Variants in RBM47 observed in about 807,000 individuals in gnomAD.
The protein encoded by RBM47 is RNA binding motif protein 47.
Under a neutral mutation model 47.1 loss-of-function variants are expected in RBM47, and 21 were observed. The observed-to-expected ratio is 0.45, with a 90% CI of 0.32 to 0.64. The LOEUF is 0.64. Ranked by LOEUF, RBM47 falls within the 30% of genes least tolerant of loss-of-function variation. The pLI is 0.05. For missense variants in RBM47, 708 were observed against 870.9 expected (o/e 0.81, Z 2.35); for synonymous variants, 375 against 361.7 (o/e 1.04, Z -0.42).
At chr4:40,617,062 G>T (rs1274520873) in intron 1 of RBM47, among the ~76,000 whole-genome samples, 1 of 151,458 alleles carries the variant, frequency 6.6e-6, no homozygotes, top group African/African-American at 2.4e-5. Flanking sequence ...TTTTAGTAGA[G>T]ACAGGATTTC....
chr4:40,497,489 G>T (rs1371800700), intron 2 of RBM47, among the ~76,000 whole-genome samples: 4 of 151,748 alleles, frequency 2.6e-5, no homozygotes, highest in Non-Finnish European at 5.9e-5. Context: ...GTGGTAGTGT[G>T]TGGTCTGTAG....
chr4:40,518,018 T>A (rs1725788328), intron 2 of RBM47, among the ~76,000 whole-genome samples: 2 of 152,148 alleles, frequency 1.3e-5, no homozygotes, highest in African/African-American at 4.8e-5. Flanking sequence ...AATTTGGGGT[T>A]TTAAGGTAGT....
intron 1 of RBM47, among the ~76,000 whole-genome samples, chr4:40,607,109 C>T (rs1214360278): frequency 6.6e-6 from 1 of 152,124 alleles, no homozygotes; most frequent in East Asian, 1.9e-4. Context: ...AAACATCCAT[C>T]AACTGATGAA....
intron 3 of RBM47, among the ~76,000 whole-genome samples, chr4:40,454,796 A>G (rs973571580): frequency 9.9e-5 from 15 of 152,150 alleles, no homozygotes; most frequent in African/African-American, 3.4e-4. Context: ...GCCTGGCCAT[A>G]CTGCCCCTTT....
intron 2 of RBM47, among the ~76,000 whole-genome samples, chr4:40,497,549 G>T (rs1441131044): frequency 6.6e-6 from 1 of 151,986 alleles, no homozygotes; most frequent in East Asian, 1.9e-4. Context: ...AGTCCAGGAA[G>T]TCAAGGCTGC....
rs368667381 is a variant in RBM47, at chr4:40,423,929, T to C, written c.*1975A>G. 9.2e-5 allele frequency: 14 copies of C among 152,682 alleles called. No individual in the cohort carries two copies. The highest frequency in any genetic ancestry group is 2.6e-4 in the African/African-American group (11 of 41,566). 9.5% of individuals were successfully genotyped at this position (152,682 alleles called of 1,614,324 possible). On this transcript the variant is annotated 3_prime_UTR_variant, in exon 7 of 7. Transcript: ENST00000295971. Reference sequence around the variant, plus strand: ...TCACTCATTCCCACAGATTTGAGTTTGAATGCAGCTTGTGGGGTACATCAT... The same window carrying C: ...TCACTCATTCCCACAGATTTGAGTTCGAATGCAGCTTGTGGGGTACATCAT...
chr4:40,511,432 G>A (rs1200838313), intron 2 of RBM47, among the ~76,000 whole-genome samples: 3 of 152,164 alleles, frequency 2.0e-5, no homozygotes, highest in Non-Finnish European at 4.4e-5. Context: ...TTGTAGAGAC[G>A]TTACTCAATT....
intron 3 of RBM47, among the ~76,000 whole-genome samples, chr4:40,452,840 C>CTTTTT (rs34438216): frequency 3.1e-4 from 39 of 125,062 alleles, no homozygotes; most frequent in South Asian, 1.3e-3. Context: ...TGATTTCCTT[C>CTTTTT]TTTTTTTTTT....
intron 3 of RBM47, among the ~76,000 whole-genome samples, chr4:40,450,654 C>T (rs140143810): frequency 6.6e-6 from 1 of 152,048 alleles, no homozygotes; most frequent in East Asian, 1.9e-4. Flanking sequence ...CATAAAATCC[C>T]AGAATTTGAG....
intron 1 of RBM47, among the ~76,000 whole-genome samples, chr4:40,566,447 C>A (rs537601137): frequency 3.4e-4 from 52 of 152,046 alleles, no homozygotes; most frequent in Admixed American, 1.9e-3. Flanking sequence ...GAGTTTGAGA[C>A]CAGCCTGACC....
chr4:40,542,312 A>G (rs1201206688), intron 2 of RBM47, among the ~76,000 whole-genome samples: 1 of 151,830 alleles, frequency 6.6e-6, no homozygotes, highest in Non-Finnish European at 1.5e-5. Context: ...TTCCCCCCAT[A>G]GCTCATGCTA....
Position 40,478,590 on chromosome 4 carries a change from C to T in RBM47, c.-154-11891G>A, listed in dbSNP as rs1719970180. ...GCATAGTAAGACATGATTATGTGGCCTATTTCAGATAGGATCTATTAAGGC... is the reference window on the plus strand; with the variant it reads ...GCATAGTAAGACATGATTATGTGGCTTATTTCAGATAGGATCTATTAAGGC... On this transcript the variant is annotated intron_variant, in intron 2 of 6. Transcript: ENST00000295971. Among the ~76,000 whole-genome samples the T allele has an allele frequency of 1.3e-5, 2 of 152,136 alleles. 1 individual carries two copies. Among genetic ancestry groups the T allele is most frequent in the Admixed American group, 1.3e-4 (2 of 15,270 alleles).
intron 3 of RBM47, among the ~76,000 whole-genome samples, chr4:40,449,493 G>A (rs1375973997): frequency 6.6e-6 from 1 of 152,184 alleles, no homozygotes; most frequent in African/African-American, 2.4e-5. Flanking sequence ...GCAAAGCCAA[G>A]AGGCTCAATT....
At chr4:40,576,276 G>T (rs1309714791) in intron 1 of RBM47, among the ~76,000 whole-genome samples, 4 of 143,780 alleles carry the variant, frequency 2.8e-5, no homozygotes, top group Admixed American at 7.0e-5. Context: ...CGGAGACAGG[G>T]TCTCCCCCTG....
intron 3 of RBM47, among the ~76,000 whole-genome samples, chr4:40,444,044 C>G (rs910077064): frequency 6.6e-6 from 1 of 151,804 alleles, no homozygotes; most frequent in Non-Finnish European, 1.5e-5. Context: ...ACAAAAAGTA[C>G]AAAAATTAGC....
chr4:40,471,024 TG>T (rs2154236707), intron 2 of RBM47, among the ~76,000 whole-genome samples: 1 of 152,254 alleles, frequency 6.6e-6, no homozygotes, highest in Non-Finnish European at 1.5e-5. Flanking sequence ...ATTACAGGCG[TG>T]AGCCACCGCG....
intron 1 of RBM47, among the ~76,000 whole-genome samples, chr4:40,611,022 T>G (rs1314058272): frequency 6.6e-6 from 1 of 152,194 alleles, no homozygotes; most frequent in Non-Finnish European, 1.5e-5. Flanking sequence ...TAATACACTA[T>G]GTAAATATTA....
At chr4:40,474,039 C>G (rs16852236) in intron 2 of RBM47, among the ~76,000 whole-genome samples, 4,003 of 152,244 alleles carry the variant, frequency 0.026, 170 homozygotes, top group African/African-American at 0.09. Context: ...ACCAGTGAAA[C>G]CTAAGGCACC....
At chr4:40,535,867 T>TA (rs560213306) in intron 2 of RBM47, among the ~76,000 whole-genome samples, 3 of 151,864 alleles carry the variant, frequency 2.0e-5, no homozygotes, top group African/African-American at 7.2e-5. Context: ...CTCGTATATA[T>TA]TTTTTTTCCC....
Sources: gnomAD v4.1 joint callset for allele counts (sites outside exome capture counted in the v4.1 genomes callset) on GRCh38, gnomAD v4.1.1 for gene constraint, MANE v1.5 for transcripts, NCBI Gene and HGNC (gene_info 2026-07-23, HGNC 2026-07-21) for gene names.